NAMPT: variants seen among roughly 807,000 people sequenced by gnomAD.
The protein encoded by NAMPT is nicotinamide phosphoribosyltransferase.
A neutral mutation model predicts 58.7 loss-of-function variants in NAMPT; 7 were observed. That is an observed-to-expected ratio of 0.12 (90% confidence interval 0.07 to 0.22). NAMPT has a LOEUF of 0.22. Among genes scored for constraint, NAMPT ranks in the 10% least tolerant of loss-of-function variants. The pLI is 1.00. For synonymous variants in NAMPT, 145 were observed against 198.1 expected, an observed-to-expected ratio of 0.73 and a Z score of 2.25; for missense variants, 271 against 567.9, an observed-to-expected ratio of 0.48 and a Z score of 5.31.
rs976475059 is a variant in NAMPT at position 106,263,299 on chromosome 7, G to A, written c.969+93C>T. On this transcript the variant is annotated intron_variant, in intron 7 of 10. Transcript: ENST00000222553. ...AAAATAAAGGGGACTGGTCCACACA[G>A]CTCTGAAATTGTGTGTATATAAATG... 2.6e-5 allele frequency: 23 copies of A among 896,536 alleles called. 1 individual carries two copies. Among genetic ancestry groups the A allele is most frequent in the Non-Finnish European group, 3.7e-5 (21 of 567,944 alleles). 55.5% of individuals were successfully genotyped at this position (896,536 alleles called of 1,614,324 possible). A position where few individuals can be genotyped will look rare whatever the true frequency, so the allele number is the denominator to read the frequency against.
At chr7:106,278,104 GTGATCACTGTGAACAT>G (rs1337124641) in intron 1 of NAMPT, among the ~76,000 whole-genome samples, 1 of 152,140 alleles carries the variant, frequency 6.6e-6, no homozygotes, top group African/African-American at 2.4e-5. Flanking sequence ...TTTTTCATGA[GTGATCACTGTGAACAT>G]AAATCATTTT....
At chr7:106,270,414 TA>T in intron 4 of NAMPT, 1 of 230,582 alleles carries the variant, frequency 4.3e-6, no homozygotes, top group African/African-American at 2.4e-5. Flanking sequence ...ATAAAACAAA[TA>T]AAAAGATTAA....
In NAMPT at chr7:106,250,330, CAT is replaced by C. The variant is rs1792085570; in HGVS notation, c.*751_*752del. ...TATTAGAGCCACAGGCAATCTCTGA[CAT>C]ATAAAATTGCAGTACAGGCCTTTCA... On this transcript the variant is annotated 3_prime_UTR_variant, in exon 11 of 11. Coordinates refer to ENST00000222553, the MANE Select transcript of NAMPT (RefSeq NM_005746.3). The C allele has an allele frequency of 6.6e-6, 1 of 152,346 alleles. No individual in the cohort carries two copies. The highest frequency in any genetic ancestry group is 1.5e-5 in the Non-Finnish European group (1 of 67,910). The allele number at this position is 152,346 out of a possible 1,614,324, so 9.4% of individuals were successfully genotyped here. A position where few individuals can be genotyped will look rare whatever the true frequency, so the allele number is the denominator to read the frequency against.
Position 106,251,060 on chromosome 7 carries a change from CA to C in NAMPT, c.*22del. ...ATAAACATTATGTATTACATACACA[CA>C]ACACACACCCAGTCATAAAGCCTAA... is the stretch of plus-strand genomic sequence containing the variant. On this transcript the variant is annotated 3_prime_UTR_variant, in exon 11 of 11. Coordinates refer to ENST00000222553, the MANE Select transcript of NAMPT (RefSeq NM_005746.3). The C allele has an allele frequency of 6.9e-7, 1 of 1,447,962 alleles. No individual in the cohort carries two copies. The highest frequency in any genetic ancestry group is 9.7e-7 in the Non-Finnish European group (1 of 1,029,304). The allele number at this position is 1,447,962 out of a possible 1,614,324, so 89.7% of individuals were successfully genotyped here.
chr7:106,252,582 T>G (rs769851226), intron 10 of NAMPT, among the ~76,000 whole-genome samples: 5 of 152,132 alleles, frequency 3.3e-5, no homozygotes, highest in Non-Finnish European at 7.4e-5. Flanking sequence ...AAATGTACTT[T>G]TGTATGCTAA....
chr7:106,268,105 A>T (rs1435621376), intron 6 of NAMPT, among the ~76,000 whole-genome samples: 2 of 152,100 alleles, frequency 1.3e-5, no homozygotes, highest in Non-Finnish European at 2.9e-5. Context: ...GTCATGTAGG[A>T]GGACAGGGAA....
chr7:106,285,517 C>G, upstream of NAMPT: 2 of 985,514 alleles, frequency 2.0e-6, no homozygotes, highest in Non-Finnish European at 2.4e-6. Flanking sequence ...CCCATCTTCC[C>G]GTCCACCACG....
At chr7:106,271,520 T>C (rs150059038) in intron 4 of NAMPT, among the ~76,000 whole-genome samples, 16 of 152,318 alleles carry the variant, frequency 1.1e-4, no homozygotes, top group African/African-American at 3.4e-4. Flanking sequence ...TTAATCAATA[T>C]GTTATTTCAG....
At chr7:106,279,757 G>GA (rs907898213) in intron 1 of NAMPT, among the ~76,000 whole-genome samples, 1 of 151,970 alleles carries the variant, frequency 6.6e-6, no homozygotes, top group African/African-American at 2.4e-5. Flanking sequence ...GAAGAAGGAA[G>GA]AAAAAAAATA....
chr7:106,262,920 T>C (rs1407845344), intron 7 of NAMPT, among the ~76,000 whole-genome samples: 1 of 152,100 alleles, frequency 6.6e-6, no homozygotes, highest in Non-Finnish European at 1.5e-5. Context: ...CAACAAAAAG[T>C]AACACTGCTA....
chr7:106,285,655 G>C (rs919425531), upstream of NAMPT: 3 of 961,594 alleles, frequency 3.1e-6, no homozygotes, highest in East Asian at 2.3e-4. Flanking sequence ...GAGTGAGGCT[G>C]AGGGGCCCCT....
chr7:106,273,155 A>C (rs1018002188), intron 3 of NAMPT, among the ~76,000 whole-genome samples: 1 of 152,246 alleles, frequency 6.6e-6, no homozygotes, highest in Non-Finnish European at 1.5e-5. Flanking sequence ...ATCCCTGCAG[A>C]AGAACCGAAA....
At chr7:106,283,643 T>C (rs1324458298) in intron 1 of NAMPT, among the ~76,000 whole-genome samples, 2 of 152,224 alleles carry the variant, frequency 1.3e-5, no homozygotes, top group African/African-American at 4.8e-5. Context: ...TCAAGAATCA[T>C]ACTTGATAGT....
In NAMPT at chr7:106,269,452, A is replaced by ATGCC. The variant is rs1294101140; in HGVS notation, c.448-144_448-141dup. On this transcript the variant is annotated intron_variant, in intron 4 of 10. Transcript: ENST00000222553. ...ACTAGACACAGAACTGCGCAGCAGGATGCCTGCTGTGTGCATTCCAGATAT... is the reference window on the plus strand; with the variant it reads ...ACTAGACACAGAACTGCGCAGCAGGATGCCTGCCTGCTGTGTGCATTCCAGATAT... The ATGCC allele has an allele frequency of 7.2e-5, 54 of 748,142 alleles. No homozygotes were observed. The African/African-American group carries it at 8.9e-4, about 12-fold the overall frequency. The allele number at this position is 748,142 out of a possible 1,614,324, so 46.3% of individuals were successfully genotyped here. A position where few individuals can be genotyped will look rare whatever the true frequency, so the allele number is the denominator to read the frequency against.
Position 106,253,009 on chromosome 7 carries a change from A to T in NAMPT, c.1365+8T>A. 6.2e-7 allele frequency: 1 copy of T among 1,612,846 alleles called. No homozygotes were observed. Among genetic ancestry groups the T allele is most frequent in the Non-Finnish European group, 8.5e-7 (1 of 1,179,138 alleles). On this transcript the variant is annotated splice_region_variant and intron_variant, in intron 10 of 10. Transcript: ENST00000222553. ...TGCTTAAAAAAACCAATCAGCATAG[A>T]TACATACCTGACCATATTCCTCAAG...
At chr7:106,266,544 T>C (rs7458883) in intron 6 of NAMPT, among the ~76,000 whole-genome samples, 1 of 152,212 alleles carries the variant, frequency 6.6e-6, no homozygotes, top group Non-Finnish European at 1.5e-5. Context: ...GCCTTACTAA[T>C]ACAATGCTCA....
chr7:106,249,928 C>A lies in NAMPT; in HGVS notation c.*1155G>T, dbSNP rs892081688. On this transcript the variant is annotated 3_prime_UTR_variant, in exon 11 of 11. Transcript: ENST00000222553. The stretch of plus-strand genomic sequence containing the variant: ...CTTTGAATTTAGCCAACTTAAGATT[C>A]TTCTATTGAAACACATGTCATGCTT... 2.0e-5 allele frequency: 3 copies of A among 151,980 alleles called. No homozygotes were observed. The highest frequency in any genetic ancestry group is 4.4e-5 in the Non-Finnish European group (3 of 67,934). The allele number at this position is 151,980 out of a possible 1,614,324, so 9.4% of individuals were successfully genotyped here.
At chr7:106,267,840 CAAAAAAAAAAAAAAAAAA>C (rs769070307) in intron 6 of NAMPT, among the ~76,000 whole-genome samples, 92 of 33,172 alleles carry the variant, frequency 2.8e-3, no homozygotes, top group South Asian at 0.011. Context: ...GACTCCGTCT[CAAAAAAAAAAAAAAAAAA>C]AAAAAAAAAA....
chr7:106,263,254 T>TCTCTA (rs1309704309), intron 7 of NAMPT, 138 bp downstream of exon 7: 12 of 651,394 alleles, frequency 1.8e-5, no homozygotes, highest in African/African-American at 1.8e-4. Context: ...AATCTATTAC[T>TCTCTA]CTCTCTGGGC....
Sources: gnomAD v4.1 joint callset for allele counts (sites outside exome capture counted in the v4.1 genomes callset) on GRCh38, gnomAD v4.1.1 for gene constraint, MANE v1.5 for transcripts, NCBI Gene and HGNC (gene_info 2026-07-23, HGNC 2026-07-21) for gene names.